Variants in INTS6 observed in about 807,000 individuals in gnomAD.
INTS6 encodes the protein DEAD box protein.
A neutral mutation model predicts 104.9 loss-of-function variants in INTS6; 16 were observed. The ratio of observed to expected loss-of-function variants is 0.15; its 90% CI spans 0.10 to 0.23. The LOEUF (loss-of-function observed/expected upper bound fraction) is 0.23, where lower values mean the gene tolerates loss of function less well. Among genes scored for constraint, INTS6 ranks in the 10% least tolerant of loss-of-function variants. INTS6 has a pLI of 1.00. For synonymous variants in INTS6, 324 were observed against 358.7 expected, an observed-to-expected ratio of 0.90 and a Z score of 1.09; for missense variants, 584 against 1,062.8, an observed-to-expected ratio of 0.55 and a Z score of 6.26.
chr13:51,375,129 C>T (rs773685663), intron 13 of INTS6, among the ~76,000 whole-genome samples: 2 of 151,828 alleles, frequency 1.3e-5, no homozygotes, highest in South Asian at 2.1e-4. Context: ...GGCAGACATC[C>T]GGATCACTTG....
At chr13:51,449,562 A>G (rs1952992191) in intron 3 of INTS6, 1 of 984,912 alleles carries the variant, frequency 1.0e-6, no homozygotes, top group African/African-American at 1.7e-5. Flanking sequence ...TGATGCAGAA[A>G]AAGAGGAAAC....
intron 4 of INTS6, among the ~76,000 whole-genome samples, chr13:51,423,533 G>C (rs1956932900): frequency 6.6e-6 from 1 of 152,016 alleles, no homozygotes; most frequent in Non-Finnish European, 1.5e-5. Flanking sequence ...GGTCTAAGGA[G>C]AGTCCTCAAT....
the INTS6 span, chr13:51,344,438 A>T: frequency 6.2e-7 from 1 of 1,606,412 alleles, no homozygotes; most frequent in South Asian, 1.1e-5. Context: ...AGTGAGCCCA[A>T]TAGCACCGCC....
At chr13:51,347,595 C>G in the INTS6 span, among the ~76,000 whole-genome samples, 48 of 152,284 alleles carry the variant, frequency 3.2e-4, no homozygotes, top group Middle Eastern at 0.01. Context: ...TACCCTGTAC[C>G]CTTATCCATG....
At chr13:51,385,731 CT>C (rs1040555533) in intron 7 of INTS6, among the ~76,000 whole-genome samples, 3 of 152,146 alleles carry the variant, frequency 2.0e-5, no homozygotes, top group African/African-American at 4.8e-5. Flanking sequence ...TTCACTTCCC[CT>C]AATATCCTTC....
At chr13:51,347,255 T>C in the INTS6 span, 128 of 1,608,602 alleles carry the variant, frequency 8.0e-5, 2 homozygotes, top group East Asian at 2.8e-3. Context: ...CCCCTGCTGG[T>C]TTGTCTAAAG....
downstream of INTS6, among the ~76,000 whole-genome samples, chr13:51,358,198 G>A (rs1955510880): frequency 6.6e-6 from 1 of 152,080 alleles, no homozygotes; most frequent in South Asian, 2.1e-4. Flanking sequence ...CTTAGTGTTA[G>A]CAACTAAGTG....
At position 51,383,474 on chromosome 13, in the gene INTS6, AGCG is replaced by A; in HGVS notation, c.1048-16_1048-14del. The A allele has an allele frequency of 6.2e-7, 1 of 1,609,942 alleles. No homozygotes were observed. The highest frequency in any genetic ancestry group is 8.5e-7 in the Non-Finnish European group (1 of 1,178,592). ...TGCTCACGTACACCTGTTAAAAAGG[AGCG>A]GTTAAAACTTTAATAACCTTTAAAG... On this transcript the variant is annotated splice_polypyrimidine_tract_variant and intron_variant, in intron 8 of 17. Transcript: ENST00000311234.
intron 6 of INTS6, 130 bp downstream of exon 6, chr13:51,389,189 T>C: frequency 1.2e-6 from 1 of 846,570 alleles, no homozygotes; most frequent in Non-Finnish European, 1.8e-6. Flanking sequence ...CTTCCCTCTT[T>C]ACCAACAGCC....
In INTS6 at chr13:51,374,189, A is replaced by C; in HGVS notation, c.2104+19T>G. ...ACCAAAAGGCAGCAAATAATGTTTAAGAAAAAAACAATTCTTACTTTTATG... is the reference window on the plus strand; with the variant it reads ...ACCAAAAGGCAGCAAATAATGTTTACGAAAAAAACAATTCTTACTTTTATG... On this transcript the variant is annotated intron_variant, in intron 15 of 17. Transcript: ENST00000311234. 6.3e-7 allele frequency: 1 copy of C among 1,588,464 alleles called. No homozygotes were observed. Among genetic ancestry groups the C allele is most frequent in the Non-Finnish European group, 8.6e-7 (1 of 1,158,192 alleles).
chr13:51,410,918 A>G (rs1956672300), intron 4 of INTS6, among the ~76,000 whole-genome samples: 2 of 152,122 alleles, frequency 1.3e-5, no homozygotes, highest in South Asian at 4.1e-4. Flanking sequence ...CAGATAGAAA[A>G]TAAGCACATG....
intron 4 of INTS6, among the ~76,000 whole-genome samples, chr13:51,426,927 T>C (rs1956994942): frequency 6.6e-6 from 1 of 152,118 alleles, no homozygotes. Flanking sequence ...AATCTAGATT[T>C]TGGCAGTAAC....
downstream of INTS6, among the ~76,000 whole-genome samples, chr13:51,350,112 G>A (rs928845778): frequency 3.9e-5 from 6 of 152,066 alleles, no homozygotes; most frequent in Admixed American, 3.9e-4. Context: ...TCTGCAGTCA[G>A]CAGGCATTTT....
intron 15 of INTS6, among the ~76,000 whole-genome samples, chr13:51,371,229 G>GTT (rs1397447677): frequency 6.6e-6 from 1 of 152,158 alleles, no homozygotes; most frequent in East Asian, 1.9e-4. Context: ...CAGATCACCT[G>GTT]TTAAGAACCT....
At chr13:51,344,410 C>T in the INTS6 span, 18 of 1,611,058 alleles carry the variant, frequency 1.1e-5, no homozygotes, top group Admixed American at 8.4e-5. Flanking sequence ...TAACAGCAGC[C>T]TGGAACCAGC....
the INTS6 span, chr13:51,344,192 T>A: frequency 8.2e-7 from 1 of 1,218,550 alleles, no homozygotes; most frequent in Non-Finnish European, 1.2e-6. Context: ...GTGCTGGAGG[T>A]TGTGCTAACT....
intron 15 of INTS6, among the ~76,000 whole-genome samples, chr13:51,369,597 G>C (rs894115834): frequency 2.2e-4 from 34 of 152,202 alleles, no homozygotes; most frequent in African/African-American, 8.2e-4. Context: ...CAATTTTATT[G>C]AAACAAGTAG....
At chr13:51,429,745 CAG>C (rs1312161721) in intron 4 of INTS6, among the ~76,000 whole-genome samples, 1 of 101,832 alleles carries the variant, frequency 9.8e-6, no homozygotes, top group East Asian at 3.3e-4. Context: ...GCCGGGGCAA[CAG>C]AGTGAGACTC....
intron 7 of INTS6, among the ~76,000 whole-genome samples, chr13:51,386,882 A>G (rs1219900100): frequency 2.6e-5 from 4 of 152,152 alleles, no homozygotes; most frequent in African/African-American, 9.7e-5. Context: ...ATGATCGCTC[A>G]GCAAACTTCA....
Sources: allele counts gnomAD v4.1 joint callset (sites outside exome capture counted in the v4.1 genomes callset), GRCh38; gene constraint gnomAD v4.1.1; transcripts MANE v1.5; gene names NCBI Gene and HGNC (gene_info 2026-07-23, HGNC 2026-07-21).